The following AUTS2 variants were observed in gnomAD, a reference collection of about 807,000 sequenced individuals.
AUTS2 encodes the protein activator of transcription and developmental regulator AUTS2.
A neutral mutation model predicts 112.4 loss-of-function variants in AUTS2; 17 were observed. That is an observed-to-expected ratio of 0.15 (90% confidence interval 0.10 to 0.23). AUTS2 has a LOEUF of 0.23. Among genes scored for constraint, AUTS2 ranks in the 10% least tolerant of loss-of-function variants. AUTS2 has a pLI of 1.00. For synonymous variants in AUTS2, 751 were observed against 702.7 expected (o/e 1.07, Z -1.09); for missense variants, 1,510 against 1,701.6 (o/e 0.89, Z 1.98).
intron 1 of AUTS2, among the ~76,000 whole-genome samples, chr7:69,606,390 C>T (rs550934844): frequency 4.6e-5 from 7 of 152,102 alleles, no homozygotes; most frequent in African/African-American, 1.2e-4. Flanking sequence ...AGCCTTTGGA[C>T]GAGAAGGTCT....
chr7:69,832,845 C>T (rs537774998), intron 1 of AUTS2, among the ~76,000 whole-genome samples: 2 of 152,238 alleles, frequency 1.3e-5, no homozygotes, highest in East Asian at 1.9e-4. Context: ...TAAACTGCCT[C>T]CTGTTATCTG....
intron 6 of AUTS2, among the ~76,000 whole-genome samples, chr7:70,740,781 T>A (rs1432632073): frequency 6.6e-6 from 1 of 152,170 alleles, no homozygotes; most frequent in African/African-American, 2.4e-5. Context: ...GGCTAGATGC[T>A]GTTTTGCAGC....
chr7:69,684,423 A>G (rs1796965297), intron 1 of AUTS2, among the ~76,000 whole-genome samples: 1 of 152,080 alleles, frequency 6.6e-6, no homozygotes, highest in South Asian at 2.1e-4. Context: ...TTTTGCTAGC[A>G]CTGTCTTCAC....
chr7:69,867,328 G>C (rs1241629345), intron 1 of AUTS2, among the ~76,000 whole-genome samples: 3 of 152,052 alleles, frequency 2.0e-5, no homozygotes, highest in Admixed American at 1.3e-4. Context: ...TGCCTTTTTT[G>C]CTCACCTACT....
intron 1 of AUTS2, among the ~76,000 whole-genome samples, chr7:69,896,140 C>T (rs1794733107): frequency 6.6e-6 from 1 of 152,180 alleles, no homozygotes; most frequent in African/African-American, 2.4e-5. Flanking sequence ...AAACACAGAA[C>T]ATTTTTGAGC....
At chr7:69,907,900 T>C (rs1332304945) in intron 2 of AUTS2, among the ~76,000 whole-genome samples, 1 of 152,222 alleles carries the variant, frequency 6.6e-6, no homozygotes, top group Non-Finnish European at 1.5e-5. Flanking sequence ...TTGTTTCTTA[T>C]CTTCAGAGTT....
chr7:70,373,596 C>A (rs1456109391), intron 4 of AUTS2, among the ~76,000 whole-genome samples: 1 of 152,132 alleles, frequency 6.6e-6, no homozygotes, highest in Non-Finnish European at 1.5e-5. Context: ...GGGCAGTTAT[C>A]CTAAGAACGT....
At chr7:70,033,196 A>G (rs1800858234) in intron 2 of AUTS2, among the ~76,000 whole-genome samples, 1 of 152,214 alleles carries the variant, frequency 6.6e-6, no homozygotes, top group Non-Finnish European at 1.5e-5. Context: ...TATGCAAATT[A>G]CATCTTAATA....
chr7:69,946,102 C>G (rs1395593979), intron 2 of AUTS2, among the ~76,000 whole-genome samples: 1 of 152,200 alleles, frequency 6.6e-6, no homozygotes, highest in Non-Finnish European at 1.5e-5. Flanking sequence ...TCATCTCTGC[C>G]TCCCAAAGTG....
At chr7:70,616,427 T>C (rs976384941) in intron 5 of AUTS2, among the ~76,000 whole-genome samples, 42 of 152,314 alleles carry the variant, frequency 2.8e-4, no homozygotes, top group African/African-American at 9.9e-4. Flanking sequence ...AGTGCTGAGG[T>C]ACCATTCGGC....
intron 4 of AUTS2, among the ~76,000 whole-genome samples, chr7:70,263,326 A>G (rs1787257927): frequency 6.6e-6 from 1 of 152,212 alleles, no homozygotes. Flanking sequence ...GAATATTTAT[A>G]TTACATAAAT....
chr7:70,182,054 G>A (rs182419857), intron 4 of AUTS2, among the ~76,000 whole-genome samples: 8 of 150,794 alleles, frequency 5.3e-5, no homozygotes, highest in South Asian at 2.1e-4. Flanking sequence ...CGCCCATCTC[G>A]GCCTCCCAAA....
At chr7:69,981,379 G>A (rs1301986631) in intron 2 of AUTS2, among the ~76,000 whole-genome samples, 1 of 152,180 alleles carries the variant, frequency 6.6e-6, no homozygotes, top group Non-Finnish European at 1.5e-5. Context: ...ATTCACCCAT[G>A]AGAAGGTAGG....
intron 6 of AUTS2, among the ~76,000 whole-genome samples, chr7:70,728,898 C>T (rs1399535027): frequency 6.6e-6 from 1 of 152,110 alleles, no homozygotes; most frequent in African/African-American, 2.4e-5. Context: ...TCTTCCTCCA[C>T]AGATCGTTTC....
At chr7:69,624,773 A>C (rs1432892333) in intron 1 of AUTS2, among the ~76,000 whole-genome samples, 1 of 152,174 alleles carries the variant, frequency 6.6e-6, no homozygotes, top group African/African-American at 2.4e-5. Context: ...ATGGCTCTCC[A>C]TCTTCCCAAA....
intron 5 of AUTS2, among the ~76,000 whole-genome samples, chr7:70,526,018 C>A (rs988161418): frequency 6.6e-6 from 1 of 152,148 alleles, no homozygotes; most frequent in Non-Finnish European, 1.5e-5. Context: ...CACCATGCAC[C>A]CCAAGACAGC....
intron 5 of AUTS2, among the ~76,000 whole-genome samples, chr7:70,490,686 A>T (rs1003623651): frequency 6.6e-6 from 1 of 152,148 alleles, no homozygotes. Flanking sequence ...ATCGTTGAGC[A>T]TTGGCCAGTA....
intron 1 of AUTS2, among the ~76,000 whole-genome samples, chr7:69,791,110 A>G (rs1053211540): frequency 5.9e-5 from 9 of 152,340 alleles, no homozygotes; most frequent in African/African-American, 1.9e-4. Context: ...CTTCCAATTT[A>G]TGTAACTCAG....
chr7:70,333,188 G>A (rs551867442), intron 4 of AUTS2, among the ~76,000 whole-genome samples: 8 of 152,172 alleles, frequency 5.3e-5, no homozygotes, highest in Middle Eastern at 3.4e-3. Context: ...ACATTTATGC[G>A]GCCAAGAAAC....
Sources: gnomAD v4.1 joint callset for allele counts (sites outside exome capture counted in the v4.1 genomes callset) on GRCh38, gnomAD v4.1.1 for gene constraint, MANE v1.5 for transcripts, NCBI Gene and HGNC (gene_info 2026-07-23, HGNC 2026-07-21) for gene names.